DNAH3: variants seen among roughly 807,000 people sequenced by gnomAD.
The protein encoded by DNAH3 is dynein axonemal heavy chain 3.
A neutral mutation model predicts 432.5 loss-of-function variants in DNAH3; 332 were observed. The ratio of observed to expected loss-of-function variants is 0.77; its 90% CI spans 0.70 to 0.84. DNAH3 has a LOEUF of 0.84. DNAH3 is among the 40% of genes least tolerant of loss of function. The pLI is 0.00. For synonymous variants in DNAH3, 1,956 were observed against 1,900.2 expected, an observed-to-expected ratio of 1.03 and a Z score of -0.76; for missense variants, 4,861 against 5,114.0, an observed-to-expected ratio of 0.95 and a Z score of 1.51.
chr16:21,022,297 A>T (rs1393250396), intron 39 of DNAH3, among the ~76,000 whole-genome samples, 197 bp from the exon 40 acceptor site: 3 of 152,202 alleles, frequency 2.0e-5, no homozygotes, highest in Non-Finnish European at 4.4e-5. Context: ...TGTTGCCCAC[A>T]GGCCATGTTA....
At chr16:21,042,728 G>A (rs1431270371) in intron 31 of DNAH3, among the ~76,000 whole-genome samples, 1 of 151,818 alleles carries the variant, frequency 6.6e-6, no homozygotes, top group Admixed American at 6.6e-5. Context: ...ACATTGTGCA[G>A]GTTACATATA....
intron 32 of DNAH3, among the ~76,000 whole-genome samples, chr16:21,041,459 G>A (rs562705479): frequency 2.6e-5 from 4 of 152,146 alleles, no homozygotes; most frequent in Non-Finnish European, 5.9e-5. Context: ...GCCACTTGAA[G>A]CATCTCTCTG....
chr16:21,113,245 A>G (rs911060298), intron 12 of DNAH3, among the ~76,000 whole-genome samples: 4 of 152,118 alleles, frequency 2.6e-5, no homozygotes, highest in Non-Finnish European at 5.9e-5. Flanking sequence ...AGGGGGAGGT[A>G]GTTGAATCAT....
At chr16:21,098,687 C>T (rs1037089424) in exon 17 of DNAH3, 2 of 1,614,034 alleles carry the variant, frequency 1.2e-6, no homozygotes, top group South Asian at 1.1e-5. Context: ...TGCTTCATTT[C>T]TTCTGTAGTC....
At chr16:21,147,102 C>T (rs1288979396) in intron 1 of DNAH3, among the ~76,000 whole-genome samples, 5 of 151,992 alleles carry the variant, frequency 3.3e-5, no homozygotes, top group Non-Finnish European at 7.4e-5. Context: ...TCCTCGGATT[C>T]CCTTCTATGA....
rs181080212 is a variant in DNAH3 at position 21,038,420 on chromosome 16, G to T, written c.4731-440C>A. Among the ~76,000 whole-genome samples, 3 of 152,230 alleles carry T rather than the reference G, an allele frequency of 2.0e-5. No individual in the cohort carries two copies. In the East Asian group the frequency reaches 5.8e-4, roughly 29 times the overall value. On this transcript the variant is annotated intron_variant, in intron 33 of 61. Transcript: ENST00000261383. ...TCATCCCAGCTACTCGGAAGGCTAA[G>T]GGTGGGAGGAGCTCTTGAGCCCAGG...
intron 41 of DNAH3, among the ~76,000 whole-genome samples, chr16:21,012,991 C>T (rs1476089453): frequency 6.6e-6 from 1 of 152,064 alleles, no homozygotes; most frequent in Admixed American, 6.6e-5. Flanking sequence ...GTCTCAAACT[C>T]CTGTGCTCAA....
chr16:20,977,238 G>A (rs951209177), intron 50 of DNAH3, among the ~76,000 whole-genome samples: 29 of 152,054 alleles, frequency 1.9e-4, no homozygotes, highest in African/African-American at 6.0e-4. Context: ...TTAGCCAGGC[G>A]CTGTGGCACG....
chr16:20,983,180 C>T (rs1441717730), intron 48 of DNAH3, among the ~76,000 whole-genome samples: 2 of 152,166 alleles, frequency 1.3e-5, no homozygotes, highest in Non-Finnish European at 2.9e-5. Context: ...GACTGGAGTG[C>T]AGTGGCGCAA....
exon 19 of DNAH3, chr16:21,086,879 G>A: frequency 6.2e-7 from 1 of 1,614,100 alleles, no homozygotes. Context: ...TCATTCCTGG[G>A]TTGCAGGAAA....
chr16:21,075,424 G>A (rs1449763958), intron 21 of DNAH3, 23 bp downstream of exon 21: 8 of 1,517,276 alleles, frequency 5.3e-6, no homozygotes, highest in Middle Eastern at 1.7e-4. Flanking sequence ...TTCAAAAGGG[G>A]CTGCGGTTGC....
At chr16:21,022,904 T>C (rs746303543) in intron 39 of DNAH3, among the ~76,000 whole-genome samples, 21 of 152,044 alleles carry the variant, frequency 1.4e-4, no homozygotes, top group Non-Finnish European at 2.8e-4. Context: ...CATGCCATCA[T>C]GCTCAGCTAA....
intron 49 of DNAH3, among the ~76,000 whole-genome samples, chr16:20,980,066 C>T (rs1258982695): frequency 6.6e-6 from 1 of 150,968 alleles, no homozygotes; most frequent in African/African-American, 2.4e-5. Flanking sequence ...GGTCTTTGAT[C>T]AAGTCATTTC....
At chr16:21,124,312 T>A (rs914560162) in intron 9 of DNAH3, among the ~76,000 whole-genome samples, 9 of 152,122 alleles carry the variant, frequency 5.9e-5, no homozygotes, top group Non-Finnish European at 1.0e-4. Context: ...ATGAAAAAAA[T>A]GATTCCTTCT....
intron 23 of DNAH3, among the ~76,000 whole-genome samples, chr16:21,068,437 T>C (rs182130407): frequency 3.9e-5 from 6 of 152,082 alleles, no homozygotes; most frequent in Non-Finnish European, 7.4e-5. Flanking sequence ...GCCTCAGCCT[T>C]GGAATAGCCG....
chr16:21,039,735 A>C (rs2089341092), intron 33 of DNAH3, 117 bp downstream of exon 33: 3 of 836,360 alleles, frequency 3.6e-6, no homozygotes, highest in Non-Finnish European at 6.2e-6. Context: ...AGTAAGCAGA[A>C]GCAAGTTTCT....
At chr16:21,000,436 A>T in exon 43 of DNAH3, 1 of 1,614,116 alleles carries the variant, frequency 6.2e-7, no homozygotes, top group Non-Finnish European at 8.5e-7. Context: ...CACGAACAGC[A>T]TTGGAATCTC....
chr16:20,972,526 T>C (rs1156765100), intron 51 of DNAH3, among the ~76,000 whole-genome samples: 1 of 151,590 alleles, frequency 6.6e-6, no homozygotes, highest in Non-Finnish European at 1.5e-5. Flanking sequence ...GCATGACCCA[T>C]CATGGCTGGC....
At chr16:21,151,509 G>T (rs2152836616) in intron 1 of DNAH3, among the ~76,000 whole-genome samples, 1 of 152,034 alleles carries the variant, frequency 6.6e-6, no homozygotes, top group South Asian at 2.1e-4. Flanking sequence ...TGTTAGCCAG[G>T]ATGGTCTCAA....
Sources: gnomAD v4.1 joint callset for allele counts (sites outside exome capture counted in the v4.1 genomes callset) on GRCh38, gnomAD v4.1.1 for gene constraint, MANE v1.5 for transcripts, NCBI Gene and HGNC (gene_info 2026-07-23, HGNC 2026-07-21) for gene names.